The following ANK3 variants were observed in gnomAD, a reference collection of about 807,000 sequenced individuals.
ANK3 encodes the protein ankyrin-3.
Under a neutral mutation model 370.9 loss-of-function variants are expected in ANK3, and 57 were observed. The observed-to-expected ratio is 0.15, with a 90% CI of 0.12 to 0.19. The LOEUF is 0.19. ANK3 is among the 10% of genes least tolerant of loss of function. ANK3 has a pLI of 1.00. For missense variants in ANK3, 4,439 were observed against 5,302.1 expected, an observed-to-expected ratio of 0.84 and a Z score of 5.06; for synonymous variants, 1,929 against 1,946.3, an observed-to-expected ratio of 0.99 and a Z score of 0.23.
intron 2 of ANK3, among the ~76,000 whole-genome samples, chr10:60,581,894 G>A (rs997071682): frequency 3.9e-5 from 6 of 152,028 alleles, no homozygotes; most frequent in African/African-American, 1.4e-4. Flanking sequence ...ATGATAGATT[G>A]GATAAAGAAA....
chr10:60,149,881 GT>G (rs2095023979), intron 23 of ANK3, among the ~76,000 whole-genome samples: 1 of 152,128 alleles, frequency 6.6e-6, no homozygotes, highest in Admixed American at 6.5e-5. Context: ...GCTACTTTTT[GT>G]ATTTTTAGTA....
At chr10:60,384,921 C>T (rs1156536673) in intron 1 of ANK3, among the ~76,000 whole-genome samples, 1 of 152,146 alleles carries the variant, frequency 6.6e-6, no homozygotes, top group Non-Finnish European at 1.5e-5. Flanking sequence ...GTATGCAACA[C>T]CCCCTCTCCA....
At chr10:60,577,130 G>A (rs1468478607) in intron 2 of ANK3, among the ~76,000 whole-genome samples, 2 of 152,180 alleles carry the variant, frequency 1.3e-5, no homozygotes, top group Non-Finnish European at 2.9e-5. Flanking sequence ...TGCCATCAGA[G>A]AAGGGAACAG....
chr10:60,399,203 G>GT (rs1006649654), intron 2 of ANK3, among the ~76,000 whole-genome samples: 1 of 152,052 alleles, frequency 6.6e-6, no homozygotes, highest in African/African-American at 2.4e-5. Context: ...AAACTTGGAG[G>GT]TTTGTCAACA....
At chr10:60,670,594 A>T (rs1168331290) in intron 1 of ANK3, among the ~76,000 whole-genome samples, 1 of 152,078 alleles carries the variant, frequency 6.6e-6, no homozygotes, top group East Asian at 1.9e-4. Context: ...GAGCCGGAAT[A>T]TCCCTTTTAT....
At chr10:60,283,964 T>C (rs192678982) in intron 1 of ANK3, among the ~76,000 whole-genome samples, 49 of 152,294 alleles carry the variant, frequency 3.2e-4, no homozygotes, top group African/African-American at 9.9e-4. Flanking sequence ...GTGGGTTGAA[T>C]GGTGTCTCCC....
intron 2 of ANK3, chr10:60,508,266 T>C (rs1487926122): frequency 6.6e-6 from 1 of 152,404 alleles, no homozygotes; most frequent in Non-Finnish European, 1.5e-5. Context: ...TGCCAAATGA[T>C]TTCAGGCTTT....
At chr10:60,463,130 C>A (rs1415115288) in intron 2 of ANK3, among the ~76,000 whole-genome samples, 1 of 152,106 alleles carries the variant, frequency 6.6e-6, no homozygotes, top group East Asian at 1.9e-4. Context: ...TCTGGAAGTC[C>A]TGGTATCCAG....
upstream of ANK3, among the ~76,000 whole-genome samples, chr10:60,391,300 GA>G (rs1229122080): frequency 2.6e-5 from 4 of 152,154 alleles, no homozygotes; most frequent in Non-Finnish European, 5.9e-5. Context: ...TCTTCATGAA[GA>G]AAGAGTTCTG....
At chr10:60,564,480 G>C (rs372338116) in intron 2 of ANK3, among the ~76,000 whole-genome samples, 1 of 152,166 alleles carries the variant, frequency 6.6e-6, no homozygotes, top group Non-Finnish European at 1.5e-5. Context: ...TGAAACTGCC[G>C]TGTGCTCAAG....
chr10:60,560,147 C>A (rs372594705), intron 2 of ANK3, among the ~76,000 whole-genome samples: 2 of 151,970 alleles, frequency 1.3e-5, no homozygotes, highest in South Asian at 2.1e-4. Flanking sequence ...CTCCAAAAAA[C>A]CTTTTATACA....
intron 7 of ANK3, among the ~76,000 whole-genome samples, chr10:60,241,300 G>T (rs764951557): frequency 1.3e-5 from 2 of 152,064 alleles, no homozygotes; most frequent in African/African-American, 4.8e-5. Flanking sequence ...TTTTGAATTT[G>T]ACCTGATTTA....
intron 1 of ANK3, among the ~76,000 whole-genome samples, chr10:60,389,183 A>G (rs901058324): frequency 6.6e-6 from 1 of 152,062 alleles, no homozygotes; most frequent in African/African-American, 2.4e-5. Context: ...ATGCCTATAT[A>G]AAGTGAAGCA....
chr10:60,341,464 C>T (rs1439608215), intron 1 of ANK3, among the ~76,000 whole-genome samples: 1 of 152,026 alleles, frequency 6.6e-6, no homozygotes, highest in African/African-American at 2.4e-5. Flanking sequence ...AATTAGGGCT[C>T]ATAATTAATT....
intron 2 of ANK3, among the ~76,000 whole-genome samples, chr10:60,478,044 T>C (rs1447394443): frequency 6.6e-6 from 1 of 152,060 alleles, no homozygotes; most frequent in African/African-American, 2.4e-5. Flanking sequence ...TAATGAGAAA[T>C]TAAATGCCAG....
At chr10:60,217,113 C>A (rs1471498788) in intron 8 of ANK3, among the ~76,000 whole-genome samples, 1 of 151,964 alleles carries the variant, frequency 6.6e-6, no homozygotes, top group Non-Finnish European at 1.5e-5. Flanking sequence ...GTGGTGATAT[C>A]CCCTTTGTCA....
At chr10:60,499,567 C>T (rs140395527) in intron 2 of ANK3, among the ~76,000 whole-genome samples, 26 of 152,224 alleles carry the variant, frequency 1.7e-4, no homozygotes, top group East Asian at 5.8e-4. Flanking sequence ...GTGAGAGATA[C>T]GGAAAGAAAA....
At chr10:60,034,273 A>AT (rs756159995) in intron 43 of ANK3, among the ~76,000 whole-genome samples, 19 of 151,594 alleles carry the variant, frequency 1.3e-4, no homozygotes, top group African/African-American at 1.9e-4. Flanking sequence ...TGCCTGGCTA[A>AT]TTTTTTGCAT....
chr10:60,419,951 G>A (rs1267654248), intron 2 of ANK3, among the ~76,000 whole-genome samples: 2 of 152,000 alleles, frequency 1.3e-5, no homozygotes, highest in East Asian at 1.9e-4. Context: ...TTCCTGTTAG[G>A]ATTCAATCTC....
Sources: gnomAD v4.1 joint callset for allele counts (sites outside exome capture counted in the v4.1 genomes callset) on GRCh38, gnomAD v4.1.1 for gene constraint, MANE v1.5 for transcripts, NCBI Gene and HGNC (gene_info 2026-07-23, HGNC 2026-07-21) for gene names.